The following TLN2 variants were observed in gnomAD, a reference collection of about 807,000 sequenced individuals.
The protein encoded by TLN2 is talin-2.
In TLN2, 118 loss-of-function variants were observed where a neutral mutation model predicts 294.7. That is an observed-to-expected ratio of 0.40 (90% CI 0.34 to 0.47). The LOEUF is 0.47. Among genes scored for constraint, TLN2 ranks in the 20% least tolerant of loss-of-function variants. The probability of loss-of-function intolerance (pLI) is 0.84; values close to 1 mark genes in which losing one functional copy is unlikely to be tolerated. For missense variants in TLN2, 3,083 were observed against 3,282.2 expected (o/e 0.94, Z 1.48); for synonymous variants, 1,431 against 1,304.5 (o/e 1.10, Z -2.09).
At chr15:62,642,701 GT>G (rs1355609761) in intron 3 of TLN2, among the ~76,000 whole-genome samples, 3,625 of 140,608 alleles carry the variant, frequency 0.026, 112 homozygotes, top group African/African-American at 0.087. Context: ...TTTGTTTTCT[GT>G]TTTTTTTTTT....
At chr15:62,522,941 T>TACACACACACAC (rs71129007) in intron 1 of TLN2, among the ~76,000 whole-genome samples, 194 of 133,158 alleles carry the variant, frequency 1.5e-3, no homozygotes, top group Admixed American at 3.8e-3. Context: ...GAATGTGGCT[T>TACACACACACAC]ACACACACAC....
chr15:62,665,440 T>C (rs2054499342), intron 9 of TLN2, among the ~76,000 whole-genome samples: 1 of 152,158 alleles, frequency 6.6e-6, no homozygotes, highest in South Asian at 2.1e-4. Context: ...ATTTAACACA[T>C]GGCAAAGGCA....
chr15:62,520,083 C>T (rs1225890805), intron 1 of TLN2, among the ~76,000 whole-genome samples: 1 of 152,176 alleles, frequency 6.6e-6, no homozygotes, highest in Non-Finnish European at 1.5e-5. Context: ...TTATTCACTA[C>T]CATGAGAACA....
chr15:62,561,569 T>C (rs992340092), intron 1 of TLN2: 3 of 152,262 alleles, frequency 2.0e-5, no homozygotes, highest in African/African-American at 7.2e-5. Flanking sequence ...AGAAAGCTAG[T>C]GCAGGAGCCT....
At chr15:62,429,375 C>T (rs1750949216) in intron 1 of TLN2, among the ~76,000 whole-genome samples, 1 of 152,108 alleles carries the variant, frequency 6.6e-6, no homozygotes, top group Non-Finnish European at 1.5e-5. Flanking sequence ...AATCGAAAGA[C>T]TTATCGTTTA....
chr15:62,585,015 A>T (rs1483774218), intron 1 of TLN2, among the ~76,000 whole-genome samples: 1 of 152,120 alleles, frequency 6.6e-6, no homozygotes, highest in Non-Finnish European at 1.5e-5. Flanking sequence ...ACACACATGC[A>T]GTTGATGTCA....
intron 1 of TLN2, among the ~76,000 whole-genome samples, chr15:62,582,522 T>A (rs1279995931): frequency 6.6e-6 from 1 of 152,212 alleles, no homozygotes; most frequent in African/African-American, 2.4e-5. Flanking sequence ...CAATGAAGTC[T>A]CCTTGGAGCA....
intron 17 of TLN2, 76 bp from the exon 18 acceptor site, chr15:62,701,916 G>A (rs2058741369): frequency 3.2e-5 from 48 of 1,521,370 alleles, no homozygotes; most frequent in Non-Finnish European, 4.2e-5. Flanking sequence ...AGGAACTCCT[G>A]CCAGTGTGGG....
At chr15:62,731,357 GA>G (rs2060714396) in intron 28 of TLN2, among the ~76,000 whole-genome samples, 1 of 150,218 alleles carries the variant, frequency 6.7e-6, no homozygotes, top group South Asian at 2.1e-4. Flanking sequence ...TTTTCTTTAA[GA>G]CTGAACATTG....
intron 4 of TLN2, among the ~76,000 whole-genome samples, chr15:62,648,527 G>T (rs1388536627): frequency 6.8e-6 from 1 of 146,806 alleles, no homozygotes; most frequent in African/African-American, 2.5e-5. Flanking sequence ...GGTCTAAAAC[G>T]TGATGATGAT....
chr15:62,481,466 G>A (rs1051791084), intron 1 of TLN2, among the ~76,000 whole-genome samples: 4 of 152,152 alleles, frequency 2.6e-5, no homozygotes, highest in African/African-American at 9.7e-5. Context: ...AGGCACAAAC[G>A]ATTGTCCTGC....
intron 9 of TLN2, among the ~76,000 whole-genome samples, chr15:62,672,725 G>A (rs944035065): frequency 6.6e-6 from 1 of 152,002 alleles, no homozygotes; most frequent in Non-Finnish European, 1.5e-5. Context: ...GAGACTCACT[G>A]GTTCCTTTTA....
At chr15:62,541,607 TGTGTTG>T (rs1413856911) in intron 1 of TLN2, among the ~76,000 whole-genome samples, 1 of 151,958 alleles carries the variant, frequency 6.6e-6, no homozygotes, top group Non-Finnish European at 1.5e-5. Flanking sequence ...TGTGTGTGTG[TGTGTTG>T]GAGGGGAGAG....
chr15:62,770,271 C>T (rs1339826176), intron 41 of TLN2, among the ~76,000 whole-genome samples: 1 of 152,172 alleles, frequency 6.6e-6, no homozygotes, highest in African/African-American at 2.4e-5. Flanking sequence ...ATAGGGGGTG[C>T]GCCCGCTAGA....
At chr15:62,762,182 T>C (rs996126499) in intron 38 of TLN2, 90 bp from the exon 39 acceptor site, 44 of 1,412,608 alleles carry the variant, frequency 3.1e-5, no homozygotes, top group Admixed American at 8.6e-5. Context: ...GCAGAGGTGG[T>C]GATTTGGCAA....
intron 1 of TLN2, among the ~76,000 whole-genome samples, chr15:62,560,865 A>G (rs74022608): frequency 1.3e-5 from 2 of 152,340 alleles, no homozygotes; most frequent in African/African-American, 2.4e-5. Context: ...TCGAGTGTGC[A>G]GAACTGCAAC....
chr15:62,800,610 T>C, intron 49 of TLN2, 43 bp from the exon 50 acceptor site: 1 of 1,611,670 alleles, frequency 6.2e-7, no homozygotes, highest in African/African-American at 1.3e-5. Context: ...GGGCTGGACC[T>C]GAGTCACTGC....
At chr15:62,691,710 C>G (rs372168697) in intron 12 of TLN2, among the ~76,000 whole-genome samples, 60 of 152,126 alleles carry the variant, frequency 3.9e-4, no homozygotes, top group African/African-American at 1.3e-3. Flanking sequence ...GAGACAGTCT[C>G]TCACTCTGTT....
intron 1 of TLN2, among the ~76,000 whole-genome samples, chr15:62,395,590 C>G (rs996908081): frequency 1.3e-5 from 2 of 152,080 alleles, no homozygotes; most frequent in Non-Finnish European, 2.9e-5. Context: ...CATTTGCAGC[C>G]TTGTTTTACA....
Sources: allele counts gnomAD v4.1 joint callset (sites outside exome capture counted in the v4.1 genomes callset), GRCh38; gene constraint gnomAD v4.1.1; transcripts MANE v1.5; gene names NCBI Gene and HGNC (gene_info 2026-07-23, HGNC 2026-07-21).